The following USP24 variants were observed in gnomAD, a reference collection of about 807,000 sequenced individuals.
The protein encoded by USP24 is ubiquitin specific peptidase 24, also known as ubiquitin carboxyl-terminal hydrolase 24.
Under a neutral mutation model 361.6 loss-of-function variants are expected in USP24, and 97 were observed. The ratio of observed to expected loss-of-function variants is 0.27; its 90% confidence interval spans 0.23 to 0.32. USP24 has a LOEUF of 0.32. Ranked by LOEUF, USP24 falls within the 10% of genes least tolerant of loss-of-function variation. The pLI is 1.00. For missense variants in USP24, 2,353 were observed against 3,165.6 expected (o/e 0.74, Z 6.16); for synonymous variants, 1,098 against 1,124.6 (o/e 0.98, Z 0.47).
rs1330951046 is a variant in USP24 at position 55,073,838 on chromosome 1, G to C, written c.7516C>G (p.Leu2506Val). The C allele has an allele frequency of 8.9e-6, 14 of 1,573,612 alleles. No individual in the cohort carries two copies. The highest frequency in any genetic ancestry group is 3.5e-5 in the South Asian group (3 of 85,264). The change falls in exon 64 of 68, where the codon CTT becomes GTT. Residue 2506 changes from leucine to valine, a missense_variant. Physicochemically the swap from Leu to Val is conservative, Grantham distance 32. This residue lies in a region of USP24 where 598 missense variants were observed against 761.9 expected (regional missense o/e 0.78). Coordinates refer to ENST00000294383, the MANE Select transcript of USP24 (RefSeq NM_015306.3). ...TAATTCAATACTTACTTTTGAGCAA[G>C]AGTGACAAGAAATTTGACACACTGG... ...CYQCVKFLVT[L>V]AQKCPAAKEY...
At chr1:55,087,536 A>G (rs1335045483) in intron 55 of USP24, among the ~76,000 whole-genome samples, 4 of 152,254 alleles carry the variant, frequency 2.6e-5, no homozygotes, top group African/African-American at 9.6e-5. Flanking sequence ...TTTGGAATCA[A>G]ACTAGAAAAA....
At chr1:55,105,752 A>C (rs1645753120) in intron 41 of USP24, among the ~76,000 whole-genome samples, 4 of 152,202 alleles carry the variant, frequency 2.6e-5, no homozygotes, top group Admixed American at 2.6e-4. Context: ...CACAGCCAGC[A>C]CTCAGCAAAC....
chr1:55,163,971 T>A (rs1387099135), intron 7 of USP24, among the ~76,000 whole-genome samples: 2 of 151,976 alleles, frequency 1.3e-5, no homozygotes, highest in African/African-American at 4.8e-5. Context: ...GAAATCTCAT[T>A]CTCTAGGTAT....
intron 31 of USP24, among the ~76,000 whole-genome samples, chr1:55,131,308 C>A (rs990484591): frequency 6.6e-6 from 1 of 151,986 alleles, no homozygotes; most frequent in Non-Finnish European, 1.5e-5. Flanking sequence ...TCAGTATGCA[C>A]GAAAATGTAA....
In USP24 at chr1:55,132,560, C is replaced by T. The variant is rs1443967315; in HGVS notation, c.3522G>A (p.Val1174=). Reference sequence around the variant, plus strand: ...GGTTTCTTACTTCTAAGTTGTAGAGCACTCTGAAGGTAGACATTCCCGGGG... The same window carrying T: ...GGTTTCTTACTTCTAAGTTGTAGAGTACTCTGAAGGTAGACATTCCCGGGG... The part of the protein sequence containing the change: ...SFAPGMSTFR[V]LYNLEVLSSK... Residue 1174 remains valine, a synonymous_variant, in exon 31 of 68, where the codon GTG becomes GTA. Coordinates refer to ENST00000294383, the MANE Select transcript of USP24 (RefSeq NM_015306.3). The T allele has an allele frequency of 1.2e-6, 2 of 1,612,908 alleles. No individual in the cohort carries two copies. The highest frequency in any genetic ancestry group is 2.2e-5 in the South Asian group (2 of 90,986).
At chr1:55,146,382 A>G (rs1487743160) in intron 19 of USP24, among the ~76,000 whole-genome samples, 1 of 152,200 alleles carries the variant, frequency 6.6e-6, no homozygotes, top group African/African-American at 2.4e-5. Context: ...AACAGGCACT[A>G]TGCTGGGCAC....
intron 40 of USP24, 90 bp from the exon 41 acceptor site, chr1:55,106,353 G>T: frequency 1.0e-6 from 1 of 979,176 alleles, no homozygotes; most frequent in Non-Finnish European, 1.6e-6. Flanking sequence ...AGCAGCAAAG[G>T]TACCCAATGC....
chr1:55,149,547 T>G (rs888951900), intron 16 of USP24, among the ~76,000 whole-genome samples: 1 of 152,200 alleles, frequency 6.6e-6, no homozygotes, highest in South Asian at 2.1e-4. Context: ...CAATACTTTT[T>G]TCCTTGCCTC....
chr1:55,133,553 T>C (rs1460711870), intron 30 of USP24, among the ~76,000 whole-genome samples: 1 of 152,160 alleles, frequency 6.6e-6, no homozygotes, highest in African/African-American at 2.4e-5. Context: ...TGACACCTGA[T>C]GTCATTATTG....
At chr1:55,079,722 C>T (rs1267164621) in intron 59 of USP24, 63 bp from the exon 60 acceptor site, 3 of 1,458,236 alleles carry the variant, frequency 2.1e-6, no homozygotes, top group South Asian at 1.5e-5. Context: ...ACAAAATACA[C>T]ATCCATAAGA....
At chr1:55,192,059 G>A (rs1489748223) in intron 1 of USP24, among the ~76,000 whole-genome samples, 2 of 152,170 alleles carry the variant, frequency 1.3e-5, no homozygotes, top group South Asian at 4.1e-4. Flanking sequence ...CTAACTGGGA[G>A]TTAAGTACAC....
chr1:55,075,506 T>A lies in USP24; in HGVS notation c.7398A>T (p.Ile2466=). The part of the protein sequence containing the change: ...LHEILVIEDP[I]QVERVKFVFE... ...ACACAAATTTGACTCGCTCTACTTG[T>A]ATAGGATCTTCAATAACCTGGGAAA... Residue 2466 remains isoleucine, a synonymous_variant, in exon 63 of 68, where the codon ATA becomes ATT. Coordinates refer to ENST00000294383, the MANE Select transcript of USP24 (RefSeq NM_015306.3). The A allele has an allele frequency of 6.3e-7, 1 of 1,599,834 alleles. No homozygotes were observed.
At chr1:55,158,130 A>G (rs990013433) in intron 10 of USP24, among the ~76,000 whole-genome samples, 1 of 152,248 alleles carries the variant, frequency 6.6e-6, no homozygotes, top group African/African-American at 2.4e-5. Context: ...AGGCCAACAT[A>G]CTAAGAAAAG....
chr1:55,112,242 T>G (rs963238078), intron 38 of USP24, among the ~76,000 whole-genome samples: 3 of 152,218 alleles, frequency 2.0e-5, no homozygotes, highest in African/African-American at 7.2e-5. Flanking sequence ...ATTCACTGAT[T>G]TTTTGAAGGG....
intron 38 of USP24, among the ~76,000 whole-genome samples, chr1:55,111,253 T>C (rs1426523855): frequency 6.6e-6 from 1 of 151,706 alleles, no homozygotes; most frequent in East Asian, 1.9e-4. Flanking sequence ...TGCAAACATA[T>C]AATTAAAGAT....
intron 55 of USP24, among the ~76,000 whole-genome samples, chr1:55,088,637 G>A (rs1438983827): frequency 2.6e-5 from 4 of 152,110 alleles, no homozygotes; most frequent in East Asian, 1.9e-4. Context: ...CAGTGAAGTC[G>A]AGCGGTAAGG....
intron 66 of USP24, 97 bp from the exon 67 acceptor site, chr1:55,072,021 G>T: frequency 9.1e-7 from 1 of 1,103,726 alleles, no homozygotes; most frequent in Non-Finnish European, 1.3e-6. Context: ...CCTTCAGTGG[G>T]ACCGGAGGCC....
intron 56 of USP24, among the ~76,000 whole-genome samples, chr1:55,084,162 A>C (rs1645205182): frequency 6.6e-6 from 1 of 152,216 alleles, no homozygotes; most frequent in Non-Finnish European, 1.5e-5. Context: ...CCGCTGAGTC[A>C]CATTTTCTCC....
chr1:55,149,497 T>C (rs1336288591), intron 16 of USP24, among the ~76,000 whole-genome samples: 1 of 152,202 alleles, frequency 6.6e-6, no homozygotes, highest in Non-Finnish European at 1.5e-5. Context: ...GAGAAACATC[T>C]CACTATTGAA....
Sources: allele counts gnomAD v4.1 joint callset (sites outside exome capture counted in the v4.1 genomes callset), GRCh38; gene constraint gnomAD v4.1.1; regional missense constraint gnomAD v4.1.1; transcripts MANE v1.5; gene names NCBI Gene and HGNC (gene_info 2026-07-23, HGNC 2026-07-21).